The following PCDHGA8 variants were observed in gnomAD, a reference collection of about 807,000 sequenced individuals.
PCDHGA8 encodes the protein protocadherin gamma-A8.
PCDHGA8 carries 45 observed loss-of-function variants against 59.2 expected under a neutral mutation model. The observed-to-expected ratio is 0.76, with a 90% CI of 0.60 to 0.98. The LOEUF is 0.98. PCDHGA8 is among the 50% of genes least tolerant of loss of function. PCDHGA8 has a pLI of 0.00. For synonymous variants in PCDHGA8, 531 were observed against 519.0 expected, an observed-to-expected ratio of 1.02 and a Z score of -0.32; for missense variants, 1,257 against 1,196.2, an observed-to-expected ratio of 1.05 and a Z score of -0.75.
rs771681529 is a variant in PCDHGA8 at position 141,486,617 on chromosome 5, C to T, written c.2425-8190C>T. The T allele has an allele frequency of 1.2e-6, 2 of 1,613,602 alleles. No individual in the cohort carries two copies. Among genetic ancestry groups the T allele is most frequent in the Non-Finnish European group, 1.7e-6 (2 of 1,180,036 alleles). On this transcript the variant is annotated intron_variant, in intron 1 of 3. Coordinates refer to ENST00000398604, the MANE Select transcript of PCDHGA8 (RefSeq NM_032088.2). The surrounding 1 kb of genome is among the most constrained non-coding windows in gnomAD (Gnocchi z 5.0). ...GCTTTGCTCCCTTGCAGCCTCTGAC[C>T]CAGACTCTGGCTTGAATGCGCTTAT...
chr5:141,438,617 TATATATATATATATATATACAC>T (rs1342425883), intron 1 of PCDHGA8, among the ~76,000 whole-genome samples: 18 of 37,162 alleles, frequency 4.8e-4, no homozygotes, highest in Admixed American at 2.0e-3. Flanking sequence ...TATATATATA[TATATATATATATATATATACAC>T]ACACACACAC....
At position 141,408,970 on chromosome 5, in the gene PCDHGA8, C is replaced by T. The variant is rs755949698; in HGVS notation, c.2424+13733C>T. The stretch of plus-strand genomic sequence containing the variant: ...GAATTAGTCTTAGTGAAAATCTGCC[C>T]CCTGGGTCCCCTGTGTTGCAAGTGA... On this transcript the variant is annotated intron_variant, in intron 1 of 3. Coordinates refer to ENST00000398604, the MANE Select transcript of PCDHGA8 (RefSeq NM_032088.2). 10 of 1,613,770 alleles carry T rather than the reference C, an allele frequency of 6.2e-6. No homozygotes were observed. The South Asian group carries it at 1.1e-4, about 18-fold the overall frequency.
At chr5:141,422,053 G>A in intron 1 of PCDHGA8, 1 of 1,611,606 alleles carries the variant, frequency 6.2e-7, no homozygotes, top group Non-Finnish European at 8.5e-7. Context: ...GGGAATCAAC[G>A]GGGAAGTAAT....
chr5:141,496,277 T>C (rs1484877198), intron 2 of PCDHGA8, among the ~76,000 whole-genome samples: 1 of 152,134 alleles, frequency 6.6e-6, no homozygotes, highest in Non-Finnish European at 1.5e-5. Context: ...AGACCTTCAG[T>C]TGGTCTGAGC....
intron 1 of PCDHGA8, chr5:141,403,406 T>A: frequency 6.2e-7 from 1 of 1,614,058 alleles, no homozygotes; most frequent in South Asian, 1.1e-5. Flanking sequence ...TGGAGCACGT[T>A]ATCCACTTCC....
At chr5:141,509,216 T>C (rs2099875781) in intron 3 of PCDHGA8, among the ~76,000 whole-genome samples, 1 of 152,124 alleles carries the variant, frequency 6.6e-6, no homozygotes, top group South Asian at 2.1e-4. Flanking sequence ...TATTTCTCAA[T>C]CCCTGGTTGA....
rs756993242 is a variant in PCDHGA8 at position 141,432,265 on chromosome 5, G to T, written c.2424+37028G>T. 2.5e-6 allele frequency: 4 copies of T among 1,614,210 alleles called. No homozygotes were observed. The South Asian group carries it at 3.3e-5, about 13-fold the overall frequency. ...ACACCATCCAAGGGGCAAGCCTATC[G>T]TCCTACGTGTCCATCAACTCCGACA... On this transcript the variant is annotated intron_variant, in intron 1 of 3. Coordinates refer to ENST00000398604, the MANE Select transcript of PCDHGA8 (RefSeq NM_032088.2). This position sits in a 1 kb window ranked among gnomAD's most constrained non-coding sequence, Gnocchi z 6.0.
chr5:141,403,685 C>T, intron 1 of PCDHGA8: 4 of 1,613,822 alleles, frequency 2.5e-6, no homozygotes, highest in Non-Finnish European at 3.4e-6. Flanking sequence ...TTTTGCTCAA[C>T]GGATTTACCG....
intron 1 of PCDHGA8, chr5:141,403,162 T>C (rs745617954): frequency 9.3e-6 from 15 of 1,613,862 alleles, no homozygotes; most frequent in African/African-American, 2.7e-5. Flanking sequence ...TCTCTAGAGG[T>C]AGGACGCAGC....
chr5:141,458,394 T>A (rs2098944697), intron 1 of PCDHGA8, among the ~76,000 whole-genome samples: 1 of 152,062 alleles, frequency 6.6e-6, no homozygotes, highest in African/African-American at 2.4e-5. Context: ...ACGCTCCCCC[T>A]TGCAGAGACG....
chr5:141,400,521 G>A (rs1462677478), intron 1 of PCDHGA8: 5 of 1,613,972 alleles, frequency 3.1e-6, no homozygotes, highest in Non-Finnish European at 4.2e-6. Context: ...CCCATCCTGA[G>A]TTGGTGAGTT....
chr5:141,499,689 CTTTTTTTTTTTT>C (rs545067566), intron 2 of PCDHGA8, among the ~76,000 whole-genome samples: 1 of 119,856 alleles, frequency 8.3e-6, no homozygotes, highest in Non-Finnish European at 1.7e-5. Flanking sequence ...TAACAGATGA[CTTTTTTTTTTTT>C]TTTTTTTTTT....
Position 141,409,216 on chromosome 5 carries a change from T to G in PCDHGA8, c.2424+13979T>G, listed in dbSNP as rs368791778. 9.9e-6 allele frequency: 16 copies of G among 1,613,886 alleles called. No individual in the cohort carries two copies. The African/African-American group carries it at 1.1e-4, about 11-fold the overall frequency. ...AGTGTAAAGTAATCATAGAAATCCT[T>G]GATGAAAACGACAACAGCCCAGAAA... is the stretch of plus-strand genomic sequence containing the variant. On this transcript the variant is annotated intron_variant, in intron 1 of 3. Coordinates refer to ENST00000398604, the MANE Select transcript of PCDHGA8 (RefSeq NM_032088.2).
chr5:141,494,546 G>T (rs984336435), intron 1 of PCDHGA8, among the ~76,000 whole-genome samples: 1 of 152,152 alleles, frequency 6.6e-6, no homozygotes, highest in African/African-American at 2.4e-5. Context: ...GGAGGAAGGG[G>T]CCATTTCTTT....
intron 1 of PCDHGA8, chr5:141,414,836 T>C: frequency 6.2e-7 from 1 of 1,614,222 alleles, no homozygotes; most frequent in Non-Finnish European, 8.5e-7. Context: ...TCGTTGAGCC[T>C]GTTTGTGCTG....
chr5:141,422,470 T>C, intron 1 of PCDHGA8: 1 of 1,613,440 alleles, frequency 6.2e-7, no homozygotes, highest in Non-Finnish European at 8.5e-7. Flanking sequence ...GGACAGGGAG[T>C]TGGTCCAGAG....
chr5:141,433,032 C>G, intron 1 of PCDHGA8: 1 of 1,614,188 alleles, frequency 6.2e-7, no homozygotes, highest in Non-Finnish European at 8.5e-7. Context: ...CACGAGGTTT[C>G]CCTCACCACG....
rs747722740 is a variant in PCDHGA8, at chr5:141,485,835, C to G, written c.2425-8972C>G. 3 of 1,614,190 alleles carry G rather than the reference C, an allele frequency of 1.9e-6. No homozygotes were observed. In the South Asian group the frequency reaches 3.3e-5, roughly 18 times the overall value. On this transcript the variant is annotated intron_variant, in intron 1 of 3. Transcript: ENST00000398604. This position sits in a 1 kb window ranked among gnomAD's most constrained non-coding sequence, Gnocchi z 5.7. ...ACTGCTGTCGATGGAGGGAACCCGC[C>G]GAGATCTGGCACCGCAGAGCTCCGG...
chr5:141,422,150 T>C (rs773805631), intron 1 of PCDHGA8: 23 of 1,577,056 alleles, frequency 1.5e-5, no homozygotes, highest in Non-Finnish European at 1.8e-5. Context: ...CGGGGGTCTC[T>C]GGATTTTGAA....
Sources: gnomAD v4.1 joint callset for allele counts (sites outside exome capture counted in the v4.1 genomes callset) on GRCh38, gnomAD v4.1.1 for gene constraint, Gnocchi (gnomAD v3.1) non-coding constraint, MANE v1.5 for transcripts, NCBI Gene and HGNC (gene_info 2026-07-23, HGNC 2026-07-21) for gene names.